Variants in STIM2 observed in about 807,000 individuals in gnomAD.
STIM2 encodes stromal interaction molecule 2.
In STIM2, 31 loss-of-function variants were observed where a neutral mutation model predicts 85.8. The ratio of observed to expected loss-of-function variants is 0.36; its 90% CI spans 0.27 to 0.49. The LOEUF (loss-of-function observed/expected upper bound fraction) is 0.49. STIM2 is among the 20% of genes least tolerant of loss of function. The probability of loss-of-function intolerance (pLI) is 0.98; values close to 1 mark genes in which losing one functional copy is unlikely to be tolerated. For missense variants in STIM2, 841 were observed against 927.6 expected (o/e 0.91, Z 1.21); for synonymous variants, 356 against 331.1 (o/e 1.08, Z -0.82).
chr4:26,943,685 CTA>C (rs1725705550), intron 2 of STIM2, among the ~76,000 whole-genome samples: 1 of 151,850 alleles, frequency 6.6e-6, no homozygotes, highest in Non-Finnish European at 1.5e-5. Context: ...GTCATTGTTT[CTA>C]TGTCTTCTCA....
intron 1 of STIM2, among the ~76,000 whole-genome samples, chr4:26,897,168 T>G (rs1723739800): frequency 6.6e-6 from 1 of 152,234 alleles, no homozygotes; most frequent in Non-Finnish European, 1.5e-5. Flanking sequence ...AACATTCATG[T>G]CCAGGAGTGA....
At chr4:26,890,010 A>G (rs1175330675) in intron 1 of STIM2, among the ~76,000 whole-genome samples, 1 of 152,180 alleles carries the variant, frequency 6.6e-6, no homozygotes, top group Non-Finnish European at 1.5e-5. Context: ...GAATTGGTGT[A>G]CACGGTGGCA....
intron 2 of STIM2, among the ~76,000 whole-genome samples, chr4:26,943,710 A>G (rs910340853): frequency 6.6e-6 from 1 of 152,144 alleles, no homozygotes; most frequent in Non-Finnish European, 1.5e-5. Flanking sequence ...GGATGGGGCT[A>G]AGAAATATTT....
chr4:26,971,214 G>A (rs2109104518), intron 3 of STIM2, among the ~76,000 whole-genome samples: 1 of 152,292 alleles, frequency 6.6e-6, no homozygotes, highest in African/African-American at 2.4e-5. Context: ...TGTGATGGTA[G>A]TTTCTTTTGC....
chr4:26,873,746 C>G (rs1249555630), intron 1 of STIM2: 2 of 884,806 alleles, frequency 2.3e-6, no homozygotes, highest in African/African-American at 1.7e-5. Flanking sequence ...TCCACAGGCT[C>G]TAGGTCACTG....
intron 1 of STIM2, among the ~76,000 whole-genome samples, chr4:26,911,818 A>G (rs1724352389): frequency 6.6e-6 from 1 of 152,242 alleles, no homozygotes; most frequent in South Asian, 2.1e-4. Context: ...TCTAAAAAAT[A>G]TGCAGCAGCT....
intron 2 of STIM2, among the ~76,000 whole-genome samples, chr4:26,938,231 A>G (rs1225826781): frequency 6.6e-6 from 1 of 151,460 alleles, no homozygotes; most frequent in Non-Finnish European, 1.5e-5. Flanking sequence ...AGGTATATTT[A>G]ACAAATAAAG....
At chr4:26,999,425 A>G (rs564142359) in intron 5 of STIM2, 78 bp downstream of exon 5, 1 of 819,212 alleles carries the variant, frequency 1.2e-6, no homozygotes, top group South Asian at 2.6e-5. Context: ...GAAAGAGAAA[A>G]ATAAGATAGT....
intron 1 of STIM2, among the ~76,000 whole-genome samples, chr4:26,903,291 A>G (rs911507759): frequency 6.6e-6 from 1 of 152,148 alleles, no homozygotes; most frequent in Admixed American, 6.5e-5. Flanking sequence ...ATTGTCCAAC[A>G]TGTGTCTCCT....
At chr4:26,953,152 T>A (rs961762692) in intron 2 of STIM2, among the ~76,000 whole-genome samples, 1 of 152,130 alleles carries the variant, frequency 6.6e-6, no homozygotes, top group Non-Finnish European at 1.5e-5. Flanking sequence ...GGTTTTCCGC[T>A]CCATCCCTGT....
intron 10 of STIM2, 62 bp downstream of exon 10, chr4:27,009,064 C>T: frequency 7.0e-7 from 1 of 1,418,590 alleles, no homozygotes; most frequent in Non-Finnish European, 9.8e-7. Context: ...CTCCTATGTC[C>T]TTTTAGGAAT....
Position 26,861,299 on chromosome 4 carries a change from G to T in STIM2, c.81G>T (p.Ala27=), listed in dbSNP as rs770499190. The stretch of plus-strand genomic sequence containing the variant: ...CCCGGCACCTCCGCGGGCGGCGGGC[G>T]ACTGGCTCTGCCGCAACTGCCGCCT... Residue 27 remains alanine, a synonymous_variant, in exon 1 of 12, where the codon GCG becomes GCT. Transcript: ENST00000467087. The T allele has an allele frequency of 2.1e-6, 3 of 1,443,738 alleles. No homozygotes were observed. Among genetic ancestry groups the T allele is most frequent in the Non-Finnish European group, 2.7e-6 (3 of 1,102,046 alleles). The allele number at this position is 1,443,738 out of a possible 1,614,324, so 89.4% of individuals were successfully genotyped here. A position where few individuals can be genotyped will look rare whatever the true frequency, so the allele number is the denominator to read the frequency against.
At chr4:26,947,799 T>C (rs1372036509) in intron 2 of STIM2, among the ~76,000 whole-genome samples, 1 of 152,178 alleles carries the variant, frequency 6.6e-6, no homozygotes, top group Non-Finnish European at 1.5e-5. Flanking sequence ...AACTGTACTT[T>C]GCACACATGA....
At chr4:27,019,388 C>T (rs1375267901) in intron 11 of STIM2, 2 of 1,282,550 alleles carry the variant, frequency 1.6e-6, no homozygotes, top group Non-Finnish European at 1.0e-6. Context: ...AGCTTTTCGT[C>T]TGTCTTTGCA....
chr4:26,901,637 T>C (rs932215441), intron 1 of STIM2, among the ~76,000 whole-genome samples: 2 of 152,208 alleles, frequency 1.3e-5, no homozygotes, highest in Non-Finnish European at 2.9e-5. Flanking sequence ...TATTTATTAT[T>C]CTTTCTTTAT....
intron 3 of STIM2, among the ~76,000 whole-genome samples, chr4:26,984,780 G>A (rs1351886418): frequency 6.6e-6 from 1 of 152,170 alleles, no homozygotes; most frequent in East Asian, 1.9e-4. Flanking sequence ...TAATAGGAAA[G>A]GTAATAAAGC....
chr4:26,971,864 A>G (rs1318525848), intron 3 of STIM2, among the ~76,000 whole-genome samples: 5 of 152,156 alleles, frequency 3.3e-5, no homozygotes, highest in Non-Finnish European at 5.9e-5. Flanking sequence ...AATTCTTCCT[A>G]TCCATGAGCA....
At chr4:26,944,030 G>A (rs1725720148) in intron 2 of STIM2, among the ~76,000 whole-genome samples, 2 of 152,192 alleles carry the variant, frequency 1.3e-5, no homozygotes, top group South Asian at 4.2e-4. Flanking sequence ...TAACTGTATG[G>A]TTATACCACT....
chr4:26,885,590 TTAAC>T (rs1267824118), intron 1 of STIM2, among the ~76,000 whole-genome samples: 2 of 151,936 alleles, frequency 1.3e-5, no homozygotes, highest in South Asian at 2.1e-4. Flanking sequence ...GGATCCTCCT[TTAAC>T]TAAAGCATGT....
Sources: allele counts gnomAD v4.1 joint callset (sites outside exome capture counted in the v4.1 genomes callset), GRCh38; gene constraint gnomAD v4.1.1; transcripts MANE v1.5; gene names NCBI Gene and HGNC (gene_info 2026-07-23, HGNC 2026-07-21).